ARB2A: variants seen among roughly 807,000 people sequenced by gnomAD.
The protein encoded by ARB2A is cotranscriptional regulator ARB2A.
chr5:93,871,266 C>T, the ARB2A span, among the ~76,000 whole-genome samples: 2 of 152,126 alleles, frequency 1.3e-5, no homozygotes, highest in Non-Finnish European at 2.9e-5. Context: ...GATGTGTCAA[C>T]ATTTACAAGA....
At chr5:93,633,870 A>G in the ARB2A span, among the ~76,000 whole-genome samples, 3 of 152,016 alleles carry the variant, frequency 2.0e-5, no homozygotes, top group Admixed American at 6.5e-5. Context: ...CAGGGGTGCA[A>G]TCATGGCTCA....
At chr5:93,937,801 A>G in the ARB2A span, among the ~76,000 whole-genome samples, 1 of 152,182 alleles carries the variant, frequency 6.6e-6, no homozygotes, top group Non-Finnish European at 1.5e-5. Flanking sequence ...CATAGCCTAC[A>G]TACATCCTTC....
the ARB2A span, among the ~76,000 whole-genome samples, chr5:93,747,638 C>T: frequency 2.0e-5 from 3 of 152,214 alleles, no homozygotes; most frequent in African/African-American, 7.2e-5. Context: ...AGAGAACAAA[C>T]TAGGTTGTCA....
the ARB2A span, among the ~76,000 whole-genome samples, chr5:94,068,470 T>A: frequency 6.6e-6 from 1 of 152,118 alleles, no homozygotes; most frequent in Non-Finnish European, 1.5e-5. Context: ...AGTATGCAGT[T>A]GCAAGATTTA....
At chr5:93,936,708 T>C in the ARB2A span, among the ~76,000 whole-genome samples, 2 of 152,176 alleles carry the variant, frequency 1.3e-5, no homozygotes, top group African/African-American at 2.4e-5. Flanking sequence ...ATATTCTTTC[T>C]TTTAAACCTT....
chr5:93,637,066 T>C, the ARB2A span, among the ~76,000 whole-genome samples: 1 of 152,176 alleles, frequency 6.6e-6, no homozygotes, highest in Non-Finnish European at 1.5e-5. Flanking sequence ...TTATAGCCAC[T>C]CCCACTTCCT....
the ARB2A span, among the ~76,000 whole-genome samples, chr5:93,708,507 A>G: frequency 1.3e-5 from 2 of 152,188 alleles, no homozygotes; most frequent in Non-Finnish European, 2.9e-5. Flanking sequence ...TCAGATCATC[A>G]TGCGTTAGAT....
At chr5:93,669,122 C>T in the ARB2A span, among the ~76,000 whole-genome samples, 2 of 152,132 alleles carry the variant, frequency 1.3e-5, no homozygotes, top group Non-Finnish European at 1.5e-5. Flanking sequence ...CACATTTATC[C>T]CTTCCTAATT....
chr5:93,911,606 A>ATGTTGTT, the ARB2A span, among the ~76,000 whole-genome samples: 2 of 150,216 alleles, frequency 1.3e-5, no homozygotes, highest in African/African-American at 4.9e-5. Flanking sequence ...TCTACAGTTC[A>ATGTTGTT]TGTTGTTTGT....
chr5:94,050,667 A>G, the ARB2A span: 1 of 1,302,920 alleles, frequency 7.7e-7, no homozygotes, highest in Non-Finnish European at 1.1e-6. Flanking sequence ...CTGCATCTTC[A>G]AAACTTTTAT....
the ARB2A span, among the ~76,000 whole-genome samples, chr5:93,844,893 G>A: frequency 9.9e-5 from 15 of 152,154 alleles, no homozygotes; most frequent in South Asian, 2.1e-4. Context: ...GTTGAGATTC[G>A]TGTTGCCCAT....
chr5:93,936,293 T>C, the ARB2A span, among the ~76,000 whole-genome samples: 1 of 152,138 alleles, frequency 6.6e-6, no homozygotes, highest in South Asian at 2.1e-4. Flanking sequence ...TTTTGCCCAT[T>C]CAAAATTGGT....
At chr5:93,983,501 C>T in the ARB2A span, among the ~76,000 whole-genome samples, 3 of 151,902 alleles carry the variant, frequency 2.0e-5, no homozygotes, top group East Asian at 5.8e-4. Context: ...ATCTATGAGT[C>T]CATAATGATA....
chr5:94,025,532 G>A, the ARB2A span, among the ~76,000 whole-genome samples: 1 of 152,160 alleles, frequency 6.6e-6, no homozygotes, highest in South Asian at 2.1e-4. Flanking sequence ...CGTCAGAGAT[G>A]GGGATACCCA....
chr5:93,981,493 G>A, the ARB2A span, among the ~76,000 whole-genome samples: 2 of 152,024 alleles, frequency 1.3e-5, no homozygotes, highest in South Asian at 4.2e-4. Context: ...ATTTTTGTTG[G>A]TTTTTAACTA....
the ARB2A span, among the ~76,000 whole-genome samples, chr5:93,909,888 CTAT>C: frequency 6.6e-6 from 1 of 150,716 alleles, no homozygotes; most frequent in Non-Finnish European, 1.5e-5. Flanking sequence ...AGATAATTAT[CTAT>C]TATTAACAAA....
chr5:93,900,555 A>C, the ARB2A span, among the ~76,000 whole-genome samples: 1 of 150,958 alleles, frequency 6.6e-6, no homozygotes, highest in Admixed American at 6.6e-5. Context: ...CAGAGGTTGC[A>C]GTGAGTCAAG....
chr5:94,009,411 A>C, the ARB2A span, among the ~76,000 whole-genome samples: 2 of 152,062 alleles, frequency 1.3e-5, no homozygotes, highest in Admixed American at 6.5e-5. Context: ...CAGTATAAGA[A>C]GTCTGCATAA....
the ARB2A span, among the ~76,000 whole-genome samples, chr5:93,916,193 T>C: frequency 1.3e-5 from 2 of 152,122 alleles, no homozygotes; most frequent in African/African-American, 2.4e-5. Context: ...CCTTCTATCA[T>C]TGTGAATTGT....
Sources: allele counts gnomAD v4.1 joint callset (sites outside exome capture counted in the v4.1 genomes callset), GRCh38; gene constraint gnomAD v4.1.1; transcripts MANE v1.5; gene names NCBI Gene and HGNC (gene_info 2026-07-23, HGNC 2026-07-21).